MAP2K5: variants seen among roughly 807,000 people sequenced by gnomAD.
The protein encoded by MAP2K5 is mitogen-activated protein kinase kinase 5, also known as dual specificity mitogen-activated protein kinase kinase 5.
MAP2K5 carries 49 observed loss-of-function variants against 83.1 expected under a neutral mutation model. The ratio of observed to expected loss-of-function variants is 0.59; its 90% CI spans 0.47 to 0.75. MAP2K5 has a LOEUF of 0.75. Among genes scored for constraint, MAP2K5 ranks in the 30% least tolerant of loss-of-function variants. The pLI, the probability that MAP2K5 is intolerant of heterozygous loss-of-function variation, is 0.00. For missense variants in MAP2K5, 457 were observed against 557.5 expected (o/e 0.82, Z 1.82); for synonymous variants, 202 against 191.8 (o/e 1.05, Z -0.44).
chr15:67,664,941 C>A (rs186987469), intron 13 of MAP2K5, among the ~76,000 whole-genome samples: 1 of 152,182 alleles, frequency 6.6e-6, no homozygotes, highest in South Asian at 2.1e-4. Context: ...ATTGTTAATG[C>A]AAAACCTTTG....
chr15:67,619,083 A>G (rs895308677), intron 8 of MAP2K5, among the ~76,000 whole-genome samples: 3 of 152,114 alleles, frequency 2.0e-5, no homozygotes, highest in South Asian at 2.1e-4. Context: ...CTACTTCTGC[A>G]TACATGTCAA....
intron 16 of MAP2K5, 65 bp from the exon 17 acceptor site, chr15:67,727,851 C>T: frequency 2.5e-6 from 3 of 1,176,574 alleles, no homozygotes; most frequent in Non-Finnish European, 3.8e-6. Context: ...TAGTACTTGT[C>T]TGTCTTAAGG....
chr15:67,606,357 C>T (rs2085778078), intron 8 of MAP2K5, among the ~76,000 whole-genome samples: 1 of 152,116 alleles, frequency 6.6e-6, no homozygotes, highest in Admixed American at 6.5e-5. Context: ...CAGCTCCTTC[C>T]CACAGGATAG....
chr15:67,552,782 G>A lies in MAP2K5; in HGVS notation c.184+2700G>A, dbSNP rs1422775326. ...TAGCTCTGTTTTTTGGTTGAGGAAAGGAAATCTTTAAGCAACTTGCTGAAA... is the reference window on the plus strand; with the variant it reads ...TAGCTCTGTTTTTTGGTTGAGGAAAAGAAATCTTTAAGCAACTTGCTGAAA... On this transcript the variant is annotated intron_variant, in intron 2 of 21. Transcript: ENST00000178640. The surrounding 1 kb of genome is among the most constrained non-coding windows in gnomAD (Gnocchi z 4.2). Among the ~76,000 whole-genome samples, 2 of 152,074 alleles carry A rather than the reference G, an allele frequency of 1.3e-5. No homozygotes were observed. The highest frequency in any genetic ancestry group is 4.8e-5 in the African/African-American group (2 of 41,384).
intron 1 of MAP2K5, among the ~76,000 whole-genome samples, chr15:67,549,436 C>T (rs1028660414): frequency 2.0e-5 from 3 of 152,142 alleles, no homozygotes; most frequent in Admixed American, 1.3e-4. Flanking sequence ...GGGTTTATAT[C>T]GTCATGGAAA....
intron 16 of MAP2K5, among the ~76,000 whole-genome samples, chr15:67,706,516 C>T (rs917079325): frequency 1.3e-5 from 2 of 152,006 alleles, no homozygotes; most frequent in Admixed American, 6.6e-5. Flanking sequence ...TTTTGATGCT[C>T]CTTGTATTTT....
At chr15:67,578,201 C>T (rs1023967431) in intron 3 of MAP2K5, among the ~76,000 whole-genome samples, 4 of 152,142 alleles carry the variant, frequency 2.6e-5, no homozygotes, top group African/African-American at 7.2e-5. Flanking sequence ...GGTTTGAGCC[C>T]TCTGATTCAT....
intron 13 of MAP2K5, among the ~76,000 whole-genome samples, chr15:67,681,255 T>G (rs564198470): frequency 6.6e-6 from 1 of 152,348 alleles, no homozygotes; most frequent in East Asian, 1.9e-4. Flanking sequence ...ATATCTGATC[T>G]TCCAACACTG....
chr15:67,631,483 G>T (rs531552748), intron 9 of MAP2K5, among the ~76,000 whole-genome samples: 1 of 152,194 alleles, frequency 6.6e-6, no homozygotes, highest in East Asian at 1.9e-4. Flanking sequence ...TCACAGATCT[G>T]ACCGTGTCTT....
rs369267118 is a variant in MAP2K5, at chr15:67,698,178, T to A, written c.972+4610T>A. 2.0e-4 allele frequency among the ~76,000 whole-genome samples: 30 copies of A among 152,064 alleles called. No individual in the cohort carries two copies. The East Asian group carries it at 5.4e-3, about 27-fold the overall frequency. On this transcript the variant is annotated intron_variant, in intron 15 of 21. Transcript: ENST00000178640. The surrounding 1 kb of genome is among the most constrained non-coding windows in gnomAD (Gnocchi z 4.5). ...TTGGAGCTTATATTAAATTAACCATTTTTCAGAAATTCTTTATTTTTTTTT... is the reference window on the plus strand; with the variant it reads ...TTGGAGCTTATATTAAATTAACCATATTTCAGAAATTCTTTATTTTTTTTT...
intron 8 of MAP2K5, among the ~76,000 whole-genome samples, chr15:67,624,700 G>C (rs531422206): frequency 6.6e-6 from 1 of 151,696 alleles, no homozygotes; most frequent in Non-Finnish European, 1.5e-5. Context: ...TGCAATCTCA[G>C]CTCATTGCAC....
At chr15:67,705,275 T>C (rs796775050) in intron 16 of MAP2K5, among the ~76,000 whole-genome samples, 5 of 152,384 alleles carry the variant, frequency 3.3e-5, no homozygotes, top group African/African-American at 1.2e-4. Flanking sequence ...ACTCCTGCTA[T>C]GCCTGCTGTA....
Position 67,677,686 on chromosome 15 carries a change from T to C in MAP2K5, c.847+13041T>C, listed in dbSNP as rs1343791704. On this transcript the variant is annotated intron_variant, in intron 13 of 21. Coordinates refer to ENST00000178640, the MANE Select transcript of MAP2K5 (RefSeq NM_145160.3). The surrounding 1 kb of genome is among the most constrained non-coding windows in gnomAD (Gnocchi z 4.2). ...GAACACATTCCTCCAGACCTGGCTT[T>C]TCCTAAACACTGACCAGAATATGTA... is the stretch of plus-strand genomic sequence containing the variant. Among the ~76,000 whole-genome samples, 1 of 152,206 alleles carries C rather than the reference T, an allele frequency of 6.6e-6. No individual in the cohort carries two copies. Among genetic ancestry groups the C allele is most frequent in the Non-Finnish European group, 1.5e-5 (1 of 68,044 alleles).
At chr15:67,683,799 A>G (rs961755926) in intron 13 of MAP2K5, among the ~76,000 whole-genome samples, 7 of 152,174 alleles carry the variant, frequency 4.6e-5, no homozygotes, top group Admixed American at 4.6e-4. Context: ...AGATACTTCT[A>G]CTTCTGCCCA....
chr15:67,728,943 T>G, intron 17 of MAP2K5, among the ~76,000 whole-genome samples: 1 of 152,244 alleles, frequency 6.6e-6, no homozygotes, highest in Non-Finnish European at 1.5e-5. Context: ...CTCAATGAAA[T>G]GTCTCTTTCG....
intron 21 of MAP2K5, among the ~76,000 whole-genome samples, chr15:67,805,727 GCA>G (rs1443926123): frequency 1.3e-5 from 2 of 152,234 alleles, no homozygotes; most frequent in Non-Finnish European, 2.9e-5. Context: ...CATGCAAGCT[GCA>G]CAGTTTTGGG....
At chr15:67,743,535 A>G (rs1461130426) in intron 17 of MAP2K5, among the ~76,000 whole-genome samples, 1 of 152,158 alleles carries the variant, frequency 6.6e-6, no homozygotes, top group East Asian at 1.9e-4. Context: ...AGCCAGAGTA[A>G]ATTTTGTTCT....
chr15:67,600,777 C>T (rs745766728), intron 8 of MAP2K5, 28 bp downstream of exon 8: 3 of 1,558,536 alleles, frequency 1.9e-6, no homozygotes, highest in Non-Finnish European at 2.6e-6. Context: ...TTTAAACTTT[C>T]TATCCGCTTT....
intron 8 of MAP2K5, among the ~76,000 whole-genome samples, chr15:67,609,560 T>A (rs187414747): frequency 0.01 from 72 of 7,028 alleles, 10 homozygotes; most frequent in South Asian, 0.023. Context: ...GGTCTGTAGA[T>A]TCTGTAGACC....
Sources: gnomAD v4.1 joint callset for allele counts (sites outside exome capture counted in the v4.1 genomes callset) on GRCh38, gnomAD v4.1.1 for gene constraint, Gnocchi (gnomAD v3.1) non-coding constraint, MANE v1.5 for transcripts, NCBI Gene and HGNC (gene_info 2026-07-23, HGNC 2026-07-21) for gene names.